Variants in RORB observed in about 807,000 individuals in gnomAD.
RORB encodes nuclear receptor ROR-beta.
In RORB, 6 loss-of-function variants were observed where a neutral mutation model predicts 59.1. The observed-to-expected ratio is 0.10, with a 90% CI of 0.06 to 0.20. The LOEUF (loss-of-function observed/expected upper bound fraction) is 0.20, where lower values mean the gene tolerates loss of function less well. Among genes scored for constraint, RORB ranks in the 10% least tolerant of loss-of-function variants. The pLI, the probability that RORB is intolerant of heterozygous loss-of-function variation, is 1.00. For synonymous variants in RORB, 215 were observed against 204.5 expected (o/e 1.05, Z -0.44); for missense variants, 320 against 560.5 (o/e 0.57, Z 4.33).
chr9:74,576,834 A>G (rs10735635), intron 1 of RORB, among the ~76,000 whole-genome samples: 145,853 of 152,170 alleles, frequency 0.96, 70,211 homozygotes, highest in East Asian at 1. Flanking sequence ...GCCATGTACC[A>G]GCAAGTGCTT....
chr9:74,570,609 A>G (rs1011360875), intron 1 of RORB, among the ~76,000 whole-genome samples: 8 of 152,166 alleles, frequency 5.3e-5, no homozygotes, highest in African/African-American at 1.9e-4. Context: ...CATGGCTGGT[A>G]CAATTTTAGG....
intron 1 of RORB, among the ~76,000 whole-genome samples, chr9:74,535,789 A>G (rs1225898106): frequency 6.6e-6 from 1 of 152,094 alleles, no homozygotes; most frequent in East Asian, 1.9e-4. Context: ...TAATGCATGC[A>G]TGTTGGAATT....
At chr9:74,609,022 ACAAAGT>A (rs1220846671) in intron 1 of RORB, among the ~76,000 whole-genome samples, 2 of 152,228 alleles carry the variant, frequency 1.3e-5, no homozygotes, top group African/African-American at 2.4e-5. Context: ...ATGATGTCAT[ACAAAGT>A]CAAAGTTCAG....
chr9:74,552,975 GAAAT>G (rs1273261242), intron 1 of RORB, among the ~76,000 whole-genome samples: 1 of 152,154 alleles, frequency 6.6e-6, no homozygotes, highest in Non-Finnish European at 1.5e-5. Context: ...CCATGAGGAA[GAAAT>G]AAACTTGGAA....
At chr9:74,622,477 G>A (rs1480945729) in intron 1 of RORB, among the ~76,000 whole-genome samples, 1 of 138,222 alleles carries the variant, frequency 7.2e-6, no homozygotes, top group Non-Finnish European at 1.5e-5. Flanking sequence ...CCTCTGAAAT[G>A]TTATCGTGTA....
intron 1 of RORB, among the ~76,000 whole-genome samples, chr9:74,598,037 G>T (rs1396327330): frequency 6.6e-6 from 1 of 151,924 alleles, no homozygotes; most frequent in Admixed American, 6.6e-5. Flanking sequence ...ATATATTAAT[G>T]AAATTATTTT....
At chr9:74,654,011 C>A (rs924264663) in intron 4 of RORB, among the ~76,000 whole-genome samples, 1 of 152,106 alleles carries the variant, frequency 6.6e-6, no homozygotes, top group Admixed American at 6.5e-5. Context: ...AGCCCTTTTT[C>A]TTTCTACATA....
rs190238528 is a variant in RORB at position 74,623,195 on chromosome 9, G to T, written c.8-7087G>T. On this transcript the variant is annotated intron_variant, in intron 1 of 9. Coordinates refer to ENST00000376896, the MANE Select transcript of RORB (RefSeq NM_006914.4). ...TTTTAACTGTTTCAAGAAAGCCTTT[G>T]TCAGTACTGAGTATCCAAGGAGCAA... 1.7e-3 allele frequency among the ~76,000 whole-genome samples: 264 copies of T among 152,272 alleles called. 2 individuals are homozygous for T. The highest frequency in any genetic ancestry group is 5.6e-3 in the African/African-American group (234 of 41,558).
intron 2 of RORB, 119 bp from the exon 3 acceptor site, chr9:74,634,512 A>C: frequency 1.2e-6 from 1 of 853,020 alleles, no homozygotes; most frequent in South Asian, 2.3e-5. Flanking sequence ...GTATCCAAAG[A>C]GCTTTAAAAA....
intron 9 of RORB, among the ~76,000 whole-genome samples, 154 bp downstream of exon 9, chr9:74,672,055 G>T (rs1824355386): frequency 6.6e-6 from 1 of 152,080 alleles, no homozygotes; most frequent in African/African-American, 2.4e-5. Flanking sequence ...TAAAAGAGAG[G>T]CTAGTGAATT....
chr9:74,573,546 T>C (rs1487360327), intron 1 of RORB, among the ~76,000 whole-genome samples: 2 of 151,628 alleles, frequency 1.3e-5, no homozygotes, highest in Non-Finnish European at 2.9e-5. Context: ...TATGTGACTG[T>C]GACAGTGTTG....
chr9:74,600,478 T>C (rs1823038129), intron 1 of RORB, among the ~76,000 whole-genome samples: 1 of 152,204 alleles, frequency 6.6e-6, no homozygotes, highest in Non-Finnish European at 1.5e-5. Context: ...GAAAACTTCA[T>C]GAAGTCCTTC....
At chr9:74,613,581 A>G (rs531095302) in intron 1 of RORB, among the ~76,000 whole-genome samples, 23 of 152,306 alleles carry the variant, frequency 1.5e-4, no homozygotes, top group African/African-American at 5.3e-4. Context: ...AAACAAATCA[A>G]TGAAAGTAAG....
chr9:74,535,189 TACA>T (rs996253845), intron 1 of RORB, among the ~76,000 whole-genome samples: 10 of 151,972 alleles, frequency 6.6e-5, no homozygotes, highest in Non-Finnish European at 1.2e-4. Context: ...TGTCTGTGTG[TACA>T]ACATTTTACA....
intron 1 of RORB, among the ~76,000 whole-genome samples, chr9:74,565,829 A>G (rs530724743): frequency 6.6e-6 from 1 of 152,180 alleles, no homozygotes; most frequent in Non-Finnish European, 1.5e-5. Flanking sequence ...ATCTATACTT[A>G]GACTTAAGTC....
chr9:74,579,840 C>A (rs1167911094), intron 1 of RORB, among the ~76,000 whole-genome samples: 2 of 152,132 alleles, frequency 1.3e-5, no homozygotes. Flanking sequence ...AGAGCAAGAG[C>A]GGTGTTTCAG....
chr9:74,547,979 A>G (rs1826527704), intron 1 of RORB, among the ~76,000 whole-genome samples: 1 of 152,188 alleles, frequency 6.6e-6, no homozygotes, highest in African/African-American at 2.4e-5. Context: ...AGTGACTTAG[A>G]CCAGAAATGT....
At chr9:74,513,542 C>CCTGT (rs1825969451) in intron 1 of RORB, among the ~76,000 whole-genome samples, 1 of 151,876 alleles carries the variant, frequency 6.6e-6, no homozygotes, top group Non-Finnish European at 1.5e-5. Flanking sequence ...TAACTCAGAA[C>CCTGT]CTGTGTTCAC....
intron 1 of RORB, among the ~76,000 whole-genome samples, chr9:74,588,187 G>T (rs1822835348): frequency 6.6e-6 from 1 of 152,122 alleles, no homozygotes; most frequent in Non-Finnish European, 1.5e-5. Flanking sequence ...CCACCAGCAT[G>T]ATAGTGGGGC....
Sources: gnomAD v4.1 joint callset for allele counts (sites outside exome capture counted in the v4.1 genomes callset) on GRCh38, gnomAD v4.1.1 for gene constraint, MANE v1.5 for transcripts, NCBI Gene and HGNC (gene_info 2026-07-23, HGNC 2026-07-21) for gene names.